The following TMEM108 variants were observed in gnomAD, a reference collection of about 807,000 sequenced individuals.
TMEM108 encodes the protein cancer/testis antigen 124.
TMEM108 carries 12 observed loss-of-function variants against 35.1 expected under a neutral mutation model. The observed-to-expected ratio is 0.34, with a 90% confidence interval of 0.22 to 0.55. The LOEUF is 0.55. TMEM108 is among the 20% of genes least tolerant of loss of function. TMEM108 has a pLI of 0.89. For missense variants in TMEM108, 680 were observed against 753.3 expected, an observed-to-expected ratio of 0.90 and a Z score of 1.14; for synonymous variants, 287 against 308.6, an observed-to-expected ratio of 0.93 and a Z score of 0.73.
At chr3:133,310,153 T>C (rs192884839) in intron 3 of TMEM108, among the ~76,000 whole-genome samples, 8 of 152,310 alleles carry the variant, frequency 5.3e-5, no homozygotes, top group Admixed American at 3.9e-4. Flanking sequence ...AAGTGTGATG[T>C]AGTGCTGAGA....
intron 3 of TMEM108, among the ~76,000 whole-genome samples, chr3:133,363,552 C>T (rs527876513): frequency 2.0e-5 from 3 of 151,920 alleles, no homozygotes; most frequent in East Asian, 3.9e-4. Context: ...ACGACAGGTG[C>T]GCACCACCAC....
chr3:133,273,419 A>G (rs1192209576), intron 3 of TMEM108, among the ~76,000 whole-genome samples: 1 of 152,142 alleles, frequency 6.6e-6, no homozygotes, highest in Non-Finnish European at 1.5e-5. Context: ...AAGTATAGCT[A>G]TTATTTCCTA....
intron 3 of TMEM108, among the ~76,000 whole-genome samples, chr3:133,257,616 T>G (rs1946566432): frequency 6.6e-6 from 1 of 152,216 alleles, no homozygotes; most frequent in Non-Finnish European, 1.5e-5. Context: ...AAAGCTTAAG[T>G]TGGCAAATTA....
intron 2 of TMEM108, among the ~76,000 whole-genome samples, chr3:133,150,782 G>A (rs1220186634): frequency 1.3e-5 from 2 of 152,128 alleles, no homozygotes; most frequent in Non-Finnish European, 2.9e-5. Context: ...ATGGCGCAGT[G>A]AACATCGATC....
At chr3:133,238,831 G>A (rs1349019037) in intron 3 of TMEM108, among the ~76,000 whole-genome samples, 3 of 152,158 alleles carry the variant, frequency 2.0e-5, no homozygotes, top group Non-Finnish European at 4.4e-5. Flanking sequence ...CCAAAAATAC[G>A]TGACCTTTTA....
chr3:133,388,619 A>G, intron 4 of TMEM108: 1 of 985,418 alleles, frequency 1.0e-6, no homozygotes, highest in Non-Finnish European at 1.2e-6. Context: ...GATCTAGAAG[A>G]CTGAAAAGCA....
At chr3:133,089,220 C>T (rs1943919020) in intron 2 of TMEM108, among the ~76,000 whole-genome samples, 1 of 152,184 alleles carries the variant, frequency 6.6e-6, no homozygotes, top group Non-Finnish European at 1.5e-5. Flanking sequence ...TACAATTTGA[C>T]ATGAGATTTG....
intron 4 of TMEM108, chr3:133,389,268 A>G (rs1236175749): frequency 1.4e-5 from 14 of 985,410 alleles, no homozygotes; most frequent in Non-Finnish European, 1.7e-5. Flanking sequence ...TGGGAGTCTC[A>G]GGGATGAACA....
chr3:133,252,302 G>A (rs1338072306), intron 3 of TMEM108, among the ~76,000 whole-genome samples: 1 of 152,142 alleles, frequency 6.6e-6, no homozygotes, highest in Non-Finnish European at 1.5e-5. Context: ...AGGTTATTCA[G>A]GTTGTTTGCT....
intron 3 of TMEM108, among the ~76,000 whole-genome samples, chr3:133,321,775 A>T (rs2071270739): frequency 6.6e-6 from 1 of 152,178 alleles, no homozygotes; most frequent in Admixed American, 6.5e-5. Context: ...ACCATATGAT[A>T]GGCCACAAAA....
chr3:133,093,396 G>A (rs922006588), intron 2 of TMEM108, among the ~76,000 whole-genome samples: 2 of 152,188 alleles, frequency 1.3e-5, no homozygotes, highest in Admixed American at 6.5e-5. Flanking sequence ...TCTTGGTAAG[G>A]GCAGTAGGAG....
At chr3:133,194,267 C>A (rs1945544682) in intron 2 of TMEM108, among the ~76,000 whole-genome samples, 1 of 152,144 alleles carries the variant, frequency 6.6e-6, no homozygotes, top group Non-Finnish European at 1.5e-5. Context: ...TCAACTTCTA[C>A]TTAATTTAAC....
intron 3 of TMEM108, among the ~76,000 whole-genome samples, chr3:133,289,500 G>A (rs1341444799): frequency 6.6e-6 from 1 of 152,166 alleles, no homozygotes; most frequent in Non-Finnish European, 1.5e-5. Flanking sequence ...TTCCACATTA[G>A]ATCTCACTAC....
intron 2 of TMEM108, among the ~76,000 whole-genome samples, chr3:133,166,885 C>T (rs1945047849): frequency 6.6e-6 from 1 of 152,236 alleles, no homozygotes; most frequent in Non-Finnish European, 1.5e-5. Flanking sequence ...CCACCCACAT[C>T]CTGCTCATTG....
In TMEM108 at chr3:133,281,884, T is replaced by A. The variant is rs559701976; in HGVS notation, c.40+52533T>A. On this transcript the variant is annotated intron_variant, in intron 3 of 5. Transcript: ENST00000321871. ...AAAGATAGACAAGGACAGGCTGGGC[T>A]TGGTGGCTCAAGCCTGTAATCCCAG... Among the ~76,000 whole-genome samples the A allele has an allele frequency of 1.6e-4, 24 of 152,254 alleles. No individual in the cohort carries two copies. In the South Asian group the frequency reaches 5.0e-3, roughly 32 times the overall value.
chr3:133,395,287 G>T (rs2107866470), intron 5 of TMEM108, among the ~76,000 whole-genome samples: 1 of 152,294 alleles, frequency 6.6e-6, no homozygotes, highest in East Asian at 1.9e-4. Context: ...CAATAATTCT[G>T]ACCAGGCTCT....
At chr3:133,095,572 T>G (rs541725658) in intron 2 of TMEM108, among the ~76,000 whole-genome samples, 3 of 148,738 alleles carry the variant, frequency 2.0e-5, no homozygotes, top group Non-Finnish European at 4.5e-5. Context: ...CTGAGCTTGT[T>G]TTTCTGCAAC....
At chr3:133,116,422 T>C (rs918064586) in intron 2 of TMEM108, among the ~76,000 whole-genome samples, 1 of 152,202 alleles carries the variant, frequency 6.6e-6, no homozygotes, top group East Asian at 1.9e-4. Flanking sequence ...AAAAAAAATT[T>C]GAAATCCATG....
At chr3:133,101,115 C>T (rs1282601076) in intron 2 of TMEM108, among the ~76,000 whole-genome samples, 1 of 152,114 alleles carries the variant, frequency 6.6e-6, no homozygotes, top group Non-Finnish European at 1.5e-5. Flanking sequence ...CATAATGGAG[C>T]AATGAAAAGA....
Sources: gnomAD v4.1 joint callset for allele counts (sites outside exome capture counted in the v4.1 genomes callset) on GRCh38, gnomAD v4.1.1 for gene constraint, MANE v1.5 for transcripts, NCBI Gene and HGNC (gene_info 2026-07-23, HGNC 2026-07-21) for gene names.